CSMD1: variants seen among roughly 807,000 people sequenced by gnomAD.
The protein encoded by CSMD1 is CUB and sushi domain-containing protein 1.
A neutral mutation model predicts 417.5 loss-of-function variants in CSMD1; 213 were observed. That is an observed-to-expected ratio of 0.51 (90% CI 0.46 to 0.57). The LOEUF is 0.57. Among genes scored for constraint, CSMD1 ranks in the 20% least tolerant of loss-of-function variants. The pLI, the probability that CSMD1 is intolerant of heterozygous loss-of-function variation, is 0.00. For missense variants in CSMD1, 6,923 were observed against 4,529.7 expected (o/e 1.53, Z -15.17); for synonymous variants, 2,862 against 1,736.8 (o/e 1.65, Z -16.11).
chr8:4,747,362 G>A (rs977571367), intron 1 of CSMD1, among the ~76,000 whole-genome samples: 4 of 152,110 alleles, frequency 2.6e-5, no homozygotes. Flanking sequence ...TAATATTCTA[G>A]GATACGGTTT....
chr8:3,406,264 G>C, intron 14 of CSMD1, 43 bp from the exon 15 acceptor site: 3 of 1,468,782 alleles, frequency 2.0e-6, no homozygotes, highest in Non-Finnish European at 2.8e-6. Flanking sequence ...AAATACTTGA[G>C]TATTAATTAC....
intron 2 of CSMD1, among the ~76,000 whole-genome samples, chr8:4,485,148 G>A (rs1801310934): frequency 6.6e-6 from 1 of 152,048 alleles, no homozygotes; most frequent in Non-Finnish European, 1.5e-5. Flanking sequence ...TAGGCTGTAT[G>A]CATTTCCTTA....
intron 12 of CSMD1, among the ~76,000 whole-genome samples, chr8:3,468,078 G>C (rs1054994457): frequency 5.9e-5 from 9 of 152,146 alleles, no homozygotes; most frequent in Non-Finnish European, 1.2e-4. Flanking sequence ...AGAATCCAAA[G>C]ATCACAACTA....
intron 3 of CSMD1, among the ~76,000 whole-genome samples, chr8:4,100,469 T>A (rs1801249076): frequency 6.6e-6 from 1 of 152,182 alleles, no homozygotes; most frequent in Non-Finnish European, 1.5e-5. Context: ...CAAATGTTGC[T>A]TAACTTTTCT....
chr8:3,370,800 C>T (rs959563496), intron 18 of CSMD1, among the ~76,000 whole-genome samples: 1 of 152,106 alleles, frequency 6.6e-6, no homozygotes, highest in Non-Finnish European at 1.5e-5. Context: ...CATGGCAAAA[C>T]CCCATGTTTA....
At chr8:3,596,288 G>C (rs749937128) in intron 8 of CSMD1, among the ~76,000 whole-genome samples, 1 of 152,106 alleles carries the variant, frequency 6.6e-6, no homozygotes, top group Non-Finnish European at 1.5e-5. Context: ...ACATGAGTTT[G>C]TTTTACTTCA....
intron 3 of CSMD1, among the ~76,000 whole-genome samples, chr8:4,264,081 A>T (rs1804074328): frequency 1.3e-5 from 2 of 152,186 alleles, no homozygotes; most frequent in South Asian, 4.1e-4. Context: ...TAAAATGAGG[A>T]TGATAACATC....
intron 29 of CSMD1, among the ~76,000 whole-genome samples, chr8:3,215,879 T>C (rs969237748): frequency 7.2e-5 from 11 of 151,732 alleles, no homozygotes; most frequent in African/African-American, 2.7e-4. Flanking sequence ...TTCAATATTT[T>C]CAATTATATT....
At chr8:4,945,015 A>G (rs1315826814) in intron 1 of CSMD1, among the ~76,000 whole-genome samples, 1 of 152,232 alleles carries the variant, frequency 6.6e-6, no homozygotes. Context: ...GTCCCTTGGC[A>G]GATGAATGGA....
At chr8:3,403,871 T>A (rs1242800741) in intron 15 of CSMD1, among the ~76,000 whole-genome samples, 5 of 152,194 alleles carry the variant, frequency 3.3e-5, no homozygotes, top group African/African-American at 1.2e-4. Context: ...TTGTACAGCA[T>A]AAAACATAAA....
chr8:4,083,320 G>C (rs1317669077), intron 3 of CSMD1, among the ~76,000 whole-genome samples: 1 of 152,166 alleles, frequency 6.6e-6, no homozygotes, highest in Non-Finnish European at 1.5e-5. Context: ...ACTGGTGTGA[G>C]ATGGTATCTC....
intron 3 of CSMD1, among the ~76,000 whole-genome samples, chr8:4,147,648 C>T (rs918259375): frequency 3.3e-5 from 5 of 152,144 alleles, no homozygotes; most frequent in Non-Finnish European, 7.3e-5. Context: ...GAAGGTTACT[C>T]TGAGTGCTGG....
At chr8:3,847,352 A>C (rs570880586) in intron 5 of CSMD1, among the ~76,000 whole-genome samples, 30 of 152,194 alleles carry the variant, frequency 2.0e-4, no homozygotes, top group African/African-American at 6.7e-4. Flanking sequence ...CAAGTCAGAG[A>C]AGGAAGCAGA....
intron 1 of CSMD1, among the ~76,000 whole-genome samples, chr8:4,721,438 T>C (rs1304465177): frequency 6.6e-6 from 1 of 152,158 alleles, no homozygotes; most frequent in African/African-American, 2.4e-5. Flanking sequence ...TTCTGAACAA[T>C]TTGAAATACA....
intron 3 of CSMD1, among the ~76,000 whole-genome samples, chr8:4,348,625 A>AGGGGAGAG (rs1367232644): frequency 1.5e-4 from 1 of 6,860 alleles, no homozygotes; most frequent in South Asian, 3.7e-3. Flanking sequence ...TGGGGGAGGG[A>AGGGGAGAG]GGGGAGAGGG....
At chr8:3,462,819 TCTGA>T (rs1053913611) in intron 12 of CSMD1, among the ~76,000 whole-genome samples, 1 of 152,136 alleles carries the variant, frequency 6.6e-6, no homozygotes, top group African/African-American at 2.4e-5. Flanking sequence ...CCTGATGTGG[TCTGA>T]CTGTTTGTGT....
At chr8:3,712,157 G>A (rs1420798684) in intron 6 of CSMD1, among the ~76,000 whole-genome samples, 2 of 85,400 alleles carry the variant, frequency 2.3e-5, no homozygotes, top group East Asian at 3.1e-4. Flanking sequence ...TTTGTTTCAA[G>A]TTACTACGTT....
intron 1 of CSMD1, among the ~76,000 whole-genome samples, chr8:4,701,318 T>A (rs1457663023): frequency 8.4e-5 from 2 of 23,738 alleles, no homozygotes; most frequent in African/African-American, 2.6e-4. Flanking sequence ...CCTTTGATGC[T>A]TTTTTTTTTT....
Position 3,219,485 on chromosome 8 carries a change from T to C in CSMD1, c.4485-43A>G. ...AATTATGTCATACGGCTAACAGATA[T>C]TTTATCTCCCAGAGTGGTAAGCCTT... On this transcript the variant is annotated intron_variant, in intron 28 of 69. Coordinates refer to ENST00000635120, the MANE Select transcript of CSMD1 (RefSeq NM_033225.6). The C allele has an allele frequency of 5.3e-6, 7 of 1,310,016 alleles. 1 individual carries two copies. The highest frequency in any genetic ancestry group is 1.6e-5 in the South Asian group (1 of 60,666). The allele number at this position is 1,310,016 out of a possible 1,614,324, so 81.1% of individuals were successfully genotyped here. A position where few individuals can be genotyped will look rare whatever the true frequency, so the allele number is the denominator to read the frequency against.
Sources: allele counts gnomAD v4.1 joint callset (sites outside exome capture counted in the v4.1 genomes callset), GRCh38; gene constraint gnomAD v4.1.1; transcripts MANE v1.5; gene names NCBI Gene and HGNC (gene_info 2026-07-23, HGNC 2026-07-21).